The following NBEA variants were observed in gnomAD, a reference collection of about 807,000 sequenced individuals.
NBEA encodes neurobeachin, also known as lysosomal-trafficking regulator 2.
In NBEA, 44 loss-of-function variants were observed where a neutral mutation model predicts 343.4. The ratio of observed to expected loss-of-function variants is 0.13; its 90% CI spans 0.10 to 0.16. The LOEUF is 0.16. NBEA is among the 10% of genes least tolerant of loss of function. The probability of loss-of-function intolerance (pLI) is 1.00; values close to 1 mark genes in which losing one functional copy is unlikely to be tolerated. For missense variants in NBEA, 2,555 were observed against 3,631.3 expected (o/e 0.70, Z 7.62); for synonymous variants, 1,175 against 1,238.7 (o/e 0.95, Z 1.08).
chr13:35,472,276 C>G, intron 40 of NBEA, 124 bp from the exon 41 acceptor site: 3 of 976,244 alleles, frequency 3.1e-6, no homozygotes, highest in Non-Finnish European at 2.9e-6. Flanking sequence ...AAGAGTTTGC[C>G]GCATAATACA....
chr13:35,334,995 A>T (rs1279673721), intron 36 of NBEA, among the ~76,000 whole-genome samples: 1 of 152,096 alleles, frequency 6.6e-6, no homozygotes, highest in African/African-American at 2.4e-5. Flanking sequence ...GAGTTTATGG[A>T]TTTAAATCTT....
At chr13:35,546,357 C>G (rs1192433077) in intron 41 of NBEA, among the ~76,000 whole-genome samples, 4 of 151,690 alleles carry the variant, frequency 2.6e-5, no homozygotes, top group African/African-American at 4.8e-5. Flanking sequence ...TCCAGCTACT[C>G]AGAAGGCTGA....
chr13:35,205,304 CT>C (rs1180802752), intron 31 of NBEA, among the ~76,000 whole-genome samples: 1 of 152,078 alleles, frequency 6.6e-6, no homozygotes, highest in African/African-American at 2.4e-5. Context: ...CAACTAAACC[CT>C]TGTAACTTGG....
chr13:35,138,001 T>C (rs1227583408), intron 17 of NBEA, among the ~76,000 whole-genome samples: 1 of 152,102 alleles, frequency 6.6e-6, no homozygotes, highest in Non-Finnish European at 1.5e-5. Context: ...AGGAATAATT[T>C]TCCTGATATT....
chr13:35,576,760 C>G (rs2080760706), intron 45 of NBEA, among the ~76,000 whole-genome samples: 1 of 152,168 alleles, frequency 6.6e-6, no homozygotes, highest in Middle Eastern at 3.4e-3. Flanking sequence ...CCAATTTTCC[C>G]CACAAGAAAT....
chr13:35,529,113 C>T (rs1436270721), intron 41 of NBEA, among the ~76,000 whole-genome samples: 1 of 113,704 alleles, frequency 8.8e-6, no homozygotes, highest in African/African-American at 4.1e-5. Flanking sequence ...CTCTCTGATT[C>T]ACAATACCCT....
chr13:35,467,413 G>A (rs1161086059), intron 40 of NBEA, among the ~76,000 whole-genome samples: 1 of 151,916 alleles, frequency 6.6e-6, no homozygotes, highest in East Asian at 1.9e-4. Flanking sequence ...GGAGCTTGCA[G>A]TGAGCCAGAG....
At chr13:35,143,906 A>C (rs1298022220) in intron 18 of NBEA, among the ~76,000 whole-genome samples, 6 of 151,378 alleles carry the variant, frequency 4.0e-5, no homozygotes, top group African/African-American at 9.8e-5. Flanking sequence ...AAAAAAACAA[A>C]AAAAAAAACA....
intron 30 of NBEA, 28 bp from the exon 31 acceptor site, chr13:35,195,836 T>C (rs1566441079): frequency 1.3e-6 from 2 of 1,521,650 alleles, no homozygotes; most frequent in Non-Finnish European, 1.8e-6. Flanking sequence ...TTCAAAGCTT[T>C]TTTCTAACCT....
chr13:35,298,521 A>G (rs541323608), intron 35 of NBEA, among the ~76,000 whole-genome samples: 44 of 151,850 alleles, frequency 2.9e-4, no homozygotes, highest in Non-Finnish European at 5.3e-4. Flanking sequence ...TACACATTTG[A>G]ATGTGAGAAA....
At chr13:35,635,493 T>G (rs2153069767) in intron 49 of NBEA, among the ~76,000 whole-genome samples, 1 of 152,288 alleles carries the variant, frequency 6.6e-6, no homozygotes, top group Admixed American at 6.5e-5. Context: ...GATGAAAATT[T>G]TAACAGATTC....
chr13:35,287,972 T>A (rs1209746888), intron 34 of NBEA, among the ~76,000 whole-genome samples: 2 of 152,056 alleles, frequency 1.3e-5, no homozygotes, highest in Non-Finnish European at 2.9e-5. Context: ...TTTTATGTAA[T>A]CTTAATTTGA....
chr13:34,966,354 A>G (rs2059820791), intron 1 of NBEA, among the ~76,000 whole-genome samples: 1 of 152,004 alleles, frequency 6.6e-6, no homozygotes, highest in South Asian at 2.1e-4. Context: ...GTAGCGAAGT[A>G]TGTATAAGTT....
chr13:35,518,423 A>G (rs543990788), intron 41 of NBEA, among the ~76,000 whole-genome samples: 2 of 152,342 alleles, frequency 1.3e-5, no homozygotes, highest in African/African-American at 4.8e-5. Flanking sequence ...GTAAAATGGC[A>G]GAGCCGGAAA....
chr13:35,651,645 T>C (rs2084527986), intron 52 of NBEA, among the ~76,000 whole-genome samples, 160 bp from the exon 53 acceptor site: 1 of 152,206 alleles, frequency 6.6e-6, no homozygotes, highest in African/African-American at 2.4e-5. Context: ...GTGATTATTT[T>C]GTAAGGCTGT....
At chr13:35,106,290 A>G (rs575965707) in intron 11 of NBEA, among the ~76,000 whole-genome samples, 15 of 152,024 alleles carry the variant, frequency 9.9e-5, no homozygotes, top group Non-Finnish European at 1.9e-4. Context: ...GAAAACAAAT[A>G]CCAAAATATA....
At chr13:34,991,433 G>A (rs1465005360) in intron 1 of NBEA, among the ~76,000 whole-genome samples, 1 of 152,142 alleles carries the variant, frequency 6.6e-6, no homozygotes, top group East Asian at 1.9e-4. Flanking sequence ...ATCTTCACAT[G>A]GCAGAGCAGG....
At chr13:35,327,201 T>C (rs1488630760) in intron 36 of NBEA, among the ~76,000 whole-genome samples, 1 of 152,102 alleles carries the variant, frequency 6.6e-6, no homozygotes, top group Non-Finnish European at 1.5e-5. Context: ...GTTCAGCCAC[T>C]GTGGAAAGCA....
chr13:34,951,009 T>A (rs2059333673), intron 1 of NBEA, among the ~76,000 whole-genome samples: 1 of 152,182 alleles, frequency 6.6e-6, no homozygotes, highest in Non-Finnish European at 1.5e-5. Flanking sequence ...GATGATTGTT[T>A]GCTAGGGCAA....
Sources: allele counts gnomAD v4.1 joint callset (sites outside exome capture counted in the v4.1 genomes callset), GRCh38; gene constraint gnomAD v4.1.1; transcripts MANE v1.5; gene names NCBI Gene and HGNC (gene_info 2026-07-23, HGNC 2026-07-21).